The following TGM4 variants were observed in gnomAD, a reference collection of about 807,000 sequenced individuals.
TGM4 encodes the protein protein-glutamine gamma-glutamyltransferase 4.
In TGM4, 61 loss-of-function variants were observed where a neutral mutation model predicts 76.3. The ratio of observed to expected loss-of-function variants is 0.80; its 90% CI spans 0.65 to 0.99. TGM4 has a LOEUF of 0.99. Among genes scored for constraint, TGM4 ranks in the 50% least tolerant of loss-of-function variants. The pLI, the probability that TGM4 is intolerant of heterozygous loss-of-function variation, is 0.00. For missense variants in TGM4, 794 were observed against 843.2 expected, an observed-to-expected ratio of 0.94 and a Z score of 0.72; for synonymous variants, 337 against 329.8, an observed-to-expected ratio of 1.02 and a Z score of -0.24.
At chr3:44,880,939 C>G (rs561590811) in intron 1 of TGM4, among the ~76,000 whole-genome samples, 1 of 152,076 alleles carries the variant, frequency 6.6e-6, no homozygotes, top group South Asian at 2.1e-4. Context: ...AATGGTAGTT[C>G]GGGTGTGGTG....
intron 10 of TGM4, among the ~76,000 whole-genome samples, chr3:44,907,687 A>C (rs1391813764): frequency 6.6e-6 from 1 of 152,052 alleles, no homozygotes. Flanking sequence ...GTTACCTGAA[A>C]ATGCTGGCTA....
In TGM4 at chr3:44,901,642, C is replaced by T. The variant is rs537268292; in HGVS notation, c.776C>T (p.Thr259Met). Residue 259 changes from threonine (T) to methionine (M), a missense_variant, in exon 7 of 14, where the codon ACG becomes ATG. Transcript: ENST00000296125. Reference sequence around the variant, plus strand: ...CCGATCCTGCAGCAGTACTACAACACGAAGCAGGCTGTGTGCTTTGGCCAG... The same window carrying T: ...CCGATCCTGCAGCAGTACTACAACATGAAGCAGGCTGTGTGCTTTGGCCAG... ...SAPILQQYYN[T>M]KQAVCFGQCW... The T allele has an allele frequency of 3.4e-5, 55 of 1,614,212 alleles. No homozygotes were observed. The highest frequency in any genetic ancestry group is 1.6e-4 in the Middle Eastern group (1 of 6,062).
intron 9 of TGM4, 117 bp downstream of exon 9, chr3:44,904,104 C>A: frequency 1.1e-6 from 1 of 899,584 alleles, no homozygotes; most frequent in Admixed American, 2.3e-5. Context: ...TAAAAATTTC[C>A]CAAAACAAAA....
At chr3:44,889,312 CT>C (rs1699656731) in intron 3 of TGM4, 1 of 151,720 alleles carries the variant, frequency 6.6e-6, no homozygotes, top group African/African-American at 2.4e-5. Context: ...CTCAAGGCTA[CT>C]TCTGCCATCG....
At position 44,910,159 on chromosome 3, in the gene TGM4, G is replaced by T; in HGVS notation, c.1397G>T (p.Arg466Leu). 6.2e-7 allele frequency: 1 copy of T among 1,614,174 alleles called. No homozygotes were observed. Among genetic ancestry groups the T allele is most frequent in the South Asian group, 1.1e-5 (1 of 91,080 alleles). Residue 466 changes from arginine to leucine, a missense_variant, in exon 11 of 14, where the codon CGA (arginine) becomes CTA (leucine). By Grantham distance (102) the Arg-to-Leu change is moderately radical. Coordinates refer to ENST00000296125, the MANE Select transcript of TGM4 (RefSeq NM_003241.4). ...CTCAGTTCTGAGAGGGAGCACAGAC[G>T]ACCTGTAAAAGAGAACTTTCTTCAC... is the stretch of plus-strand genomic sequence containing the variant. ...LLLSSEREHR[R>L]PVKENFLHMS...
At chr3:44,910,013 C>T in intron 10 of TGM4, 77 bp from the exon 11 acceptor site, 2 of 1,542,124 alleles carry the variant, frequency 1.3e-6, no homozygotes, top group Non-Finnish European at 1.8e-6. Flanking sequence ...AGATGGTCTC[C>T]TTCTGCCACA....
intron 4 of TGM4, among the ~76,000 whole-genome samples, chr3:44,892,424 G>T (rs373079931): frequency 6.9e-6 from 1 of 145,080 alleles, no homozygotes; most frequent in Non-Finnish European, 1.5e-5. Flanking sequence ...GTGCAATGGC[G>T]CAATGGTGCG....
In TGM4 at chr3:44,914,335, C is replaced by T. The variant is rs565034345; in HGVS notation, c.*610C>T. The stretch of plus-strand genomic sequence containing the variant: ...CATGTGGTTTTGCAGACAACCCTGT[C>T]CTCAGGCCTGAACTCACCATAGAGA... On this transcript the variant is annotated 3_prime_UTR_variant, in exon 14 of 14. Transcript: ENST00000296125. The T allele has an allele frequency of 1.5e-4, 23 of 153,124 alleles. No homozygotes were observed. The South Asian group carries it at 3.7e-3, about 25-fold the overall frequency. The allele number at this position is 153,124 out of a possible 1,614,324, so 9.5% of individuals were successfully genotyped here. A position where few individuals can be genotyped will look rare whatever the true frequency, so the allele number is the denominator to read the frequency against.
At chr3:44,883,607 C>A (rs1050995910) in intron 1 of TGM4, among the ~76,000 whole-genome samples, 1 of 152,266 alleles carries the variant, frequency 6.6e-6, no homozygotes, top group African/African-American at 2.4e-5. Flanking sequence ...GAAGGGGAAG[C>A]ACCTGGGAAG....
intron 3 of TGM4, among the ~76,000 whole-genome samples, chr3:44,889,331 C>T (rs184107934): frequency 3.0e-4 from 46 of 152,158 alleles, no homozygotes; most frequent in Middle Eastern, 6.8e-3. Flanking sequence ...TCGCCAGCAC[C>T]AGCTTCTCTC....
intron 10 of TGM4, among the ~76,000 whole-genome samples, chr3:44,908,043 C>T (rs1322981700): frequency 6.6e-6 from 1 of 152,178 alleles, no homozygotes; most frequent in East Asian, 1.9e-4. Flanking sequence ...TGGGGCTTTT[C>T]CCACCCTCCA....
intron 2 of TGM4, among the ~76,000 whole-genome samples, chr3:44,886,944 G>A (rs1699616157): frequency 6.6e-6 from 1 of 152,242 alleles, no homozygotes; most frequent in Non-Finnish European, 1.5e-5. Flanking sequence ...TGTCAGGGTT[G>A]GAAGGGCTTC....
At chr3:44,900,910 A>G (rs746522448) in intron 6 of TGM4, 1 of 152,588 alleles carries the variant, frequency 6.6e-6, no homozygotes, top group Non-Finnish European at 1.5e-5. Context: ...GAAGATGCCA[A>G]AACAGGCATA....
chr3:44,912,715 G>C (rs1257798877), intron 13 of TGM4, among the ~76,000 whole-genome samples: 1 of 152,058 alleles, frequency 6.6e-6, no homozygotes, highest in African/African-American at 2.4e-5. Flanking sequence ...TGCCATCTAG[G>C]AATATGAGAT....
intron 9 of TGM4, 129 bp from the exon 10 acceptor site, chr3:44,906,820 C>T: frequency 1.6e-6 from 2 of 1,219,528 alleles, no homozygotes; most frequent in Admixed American, 1.9e-5. Flanking sequence ...GAAATGAGTA[C>T]CCAGATGCTT....
At chr3:44,907,432 A>AC (rs1699940075) in intron 10 of TGM4, among the ~76,000 whole-genome samples, 1 of 152,022 alleles carries the variant, frequency 6.6e-6, no homozygotes, top group East Asian at 1.9e-4. Flanking sequence ...GCTGTGAGCT[A>AC]TGACCATGCC....
chr3:44,896,179 T>C (rs541828687), intron 5 of TGM4, among the ~76,000 whole-genome samples: 1 of 152,326 alleles, frequency 6.6e-6, no homozygotes, highest in East Asian at 1.9e-4. Flanking sequence ...TGGCACGATC[T>C]TGGCTCACTG....
chr3:44,890,683 TA>T lies in TGM4; in HGVS notation c.383del (p.Lys128SerfsTer69), dbSNP rs1221205479. The T allele has an allele frequency of 1.9e-6, 3 of 1,614,088 alleles. No individual in the cohort carries two copies. In the Admixed American group the frequency reaches 5.0e-5, roughly 27 times the overall value. On this transcript the variant is annotated frameshift_variant, in exon 4 of 14. Coordinates refer to ENST00000296125, the MANE Select transcript of TGM4 (RefSeq NM_003241.4). LOFTEE classifies it high-confidence loss of function. ...LNVKTGNHIL[K>X]SEENILYLLF... ...ACGTGAAAACTGGAAACCACATCCT[TA>T]AGTCTGAAGAAAACATCCTATACCT...
At chr3:44,888,858 A>G (rs767473106) in intron 3 of TGM4, 3 of 152,020 alleles carry the variant, frequency 2.0e-5, no homozygotes, top group Non-Finnish European at 2.9e-5. Context: ...TCTTGCCACA[A>G]GAGGGGTATG....
Sources: gnomAD v4.1 joint callset for allele counts (sites outside exome capture counted in the v4.1 genomes callset) on GRCh38, gnomAD v4.1.1 for gene constraint, MANE v1.5 for transcripts, NCBI Gene and HGNC (gene_info 2026-07-23, HGNC 2026-07-21) for gene names.